The following SLC10A7 variants were observed in gnomAD, a reference collection of about 807,000 sequenced individuals.
SLC10A7 encodes the protein solute carrier family 10 member 7, also known as sodium/bile acid cotransporter 7.
SLC10A7 carries 29 observed loss-of-function variants against 43.2 expected under a neutral mutation model. The ratio of observed to expected loss-of-function variants is 0.67; its 90% CI spans 0.50 to 0.92. The LOEUF is 0.92. Among genes scored for constraint, SLC10A7 ranks in the 40% least tolerant of loss-of-function variants. SLC10A7 has a pLI of 0.00. For missense variants in SLC10A7, 295 were observed against 403.2 expected (o/e 0.73, Z 2.30); for synonymous variants, 152 against 144.8 (o/e 1.05, Z -0.35).
chr4:146,436,263 A>C (rs1364604508), intron 5 of SLC10A7, among the ~76,000 whole-genome samples: 2 of 152,146 alleles, frequency 1.3e-5, no homozygotes, highest in African/African-American at 4.8e-5. Context: ...GATCCTATAC[A>C]TTTTTATTAA....
chr4:146,303,574 T>A (rs991527978), intron 7 of SLC10A7, among the ~76,000 whole-genome samples: 2 of 151,890 alleles, frequency 1.3e-5, no homozygotes, highest in African/African-American at 4.8e-5. Flanking sequence ...GAAACAGGGT[T>A]TCATCACATT....
intron 4 of SLC10A7, among the ~76,000 whole-genome samples, chr4:146,479,147 C>A (rs1734258365): frequency 6.6e-6 from 1 of 152,086 alleles, no homozygotes; most frequent in African/African-American, 2.4e-5. Flanking sequence ...TGTTACCCTG[C>A]AATATGATAT....
rs557879179 is a variant in SLC10A7, at chr4:146,435,310, AG to A, written c.435+7472del. The stretch of plus-strand genomic sequence containing the variant: ...AAAGGGAAGATTCTCTTTGGCTGAT[AG>A]AACCAAGTTTATACAGTTTATGCAT... On this transcript the variant is annotated intron_variant, in intron 5 of 11. Coordinates refer to ENST00000335472, the MANE Select transcript of SLC10A7 (RefSeq NM_001029998.6). Among the ~76,000 whole-genome samples, 18 of 152,094 alleles carry A rather than the reference AG, an allele frequency of 1.2e-4. No individual in the cohort carries two copies. The South Asian group carries it at 2.7e-3, about 23-fold the overall frequency.
rs189963577 is a variant in SLC10A7, at chr4:146,375,638, G to A, written c.436-49642C>T. Among the ~76,000 whole-genome samples, 18 of 151,728 alleles carry A rather than the reference G, an allele frequency of 1.2e-4. No homozygotes were observed. In the East Asian group the frequency reaches 2.1e-3, roughly 18 times the overall value. ...GCTGTGTGATTTACCTATTTATTTCGTTCATTTTTTTATTGTCTGCCTCCT... is the reference window on the plus strand; with the variant it reads ...GCTGTGTGATTTACCTATTTATTTCATTCATTTTTTTATTGTCTGCCTCCT... On this transcript the variant is annotated intron_variant, in intron 5 of 11. Transcript: ENST00000335472.
intron 5 of SLC10A7, among the ~76,000 whole-genome samples, chr4:146,405,642 TTATC>T (rs148521215): frequency 0.016 from 2,485 of 152,264 alleles, 53 homozygotes; most frequent in African/African-American, 0.056. Flanking sequence ...TCATTCTTTT[TTATC>T]TATCTATCTG....
At chr4:146,454,123 T>C (rs1472655179) in intron 4 of SLC10A7, among the ~76,000 whole-genome samples, 1 of 151,958 alleles carries the variant, frequency 6.6e-6, no homozygotes, top group Non-Finnish European at 1.5e-5. Flanking sequence ...AGCTCATCAA[T>C]TCAGATTGTT....
chr4:146,329,035 A>T (rs1382498240), intron 5 of SLC10A7, among the ~76,000 whole-genome samples: 2 of 152,212 alleles, frequency 1.3e-5, no homozygotes, highest in Non-Finnish European at 2.9e-5. Flanking sequence ...TGAGATAGAA[A>T]AGTGTTGTTA....
chr4:146,443,293 A>G (rs1343802595), intron 4 of SLC10A7, among the ~76,000 whole-genome samples: 1 of 152,212 alleles, frequency 6.6e-6, no homozygotes, highest in Non-Finnish European at 1.5e-5. Flanking sequence ...TATACAACAC[A>G]CATTAGAAAT....
At chr4:146,445,559 C>A (rs184502558) in intron 4 of SLC10A7, among the ~76,000 whole-genome samples, 1 of 152,104 alleles carries the variant, frequency 6.6e-6, no homozygotes, top group African/African-American at 2.4e-5. Flanking sequence ...TAGCATTTGC[C>A]GTCCGTGGAT....
At chr4:146,368,291 G>A (rs1736536851) in intron 5 of SLC10A7, among the ~76,000 whole-genome samples, 1 of 152,182 alleles carries the variant, frequency 6.6e-6, no homozygotes, top group Admixed American at 6.5e-5. Context: ...TGGGCTTCCG[G>A]CAAGCTGCAG....
At chr4:146,291,230 G>A (rs535195649) in intron 9 of SLC10A7, among the ~76,000 whole-genome samples, 1 of 152,272 alleles carries the variant, frequency 6.6e-6, no homozygotes, top group African/African-American at 2.4e-5. Flanking sequence ...GATATAACAA[G>A]CCATTTACAA....
intron 10 of SLC10A7, among the ~76,000 whole-genome samples, chr4:146,278,205 A>C (rs1729329863): frequency 6.6e-6 from 1 of 152,148 alleles, no homozygotes; most frequent in Non-Finnish European, 1.5e-5. Flanking sequence ...TTTTATGCAC[A>C]ATAAGGCAAC....
chr4:146,374,619 TACACACACACACACACACACAC>T (rs59049339), intron 5 of SLC10A7, among the ~76,000 whole-genome samples: 1 of 123,514 alleles, frequency 8.1e-6, no homozygotes, highest in Non-Finnish European at 1.7e-5. Flanking sequence ...TATATACACA[TACACACACACACACACACACAC>T]ACACACACAC....
chr4:146,379,039 C>G (rs549586929), intron 5 of SLC10A7, among the ~76,000 whole-genome samples: 4 of 152,302 alleles, frequency 2.6e-5, no homozygotes, highest in African/African-American at 9.6e-5. Flanking sequence ...TGGAGGCTCA[C>G]AATTAAAAGG....
At chr4:146,379,951 CT>C (rs1560852399) in intron 5 of SLC10A7, among the ~76,000 whole-genome samples, 14 of 150,794 alleles carry the variant, frequency 9.3e-5, no homozygotes, top group Non-Finnish European at 2.1e-4. Flanking sequence ...CTCTCTCTCT[CT>C]CTCTCTCTGT....
intron 4 of SLC10A7, among the ~76,000 whole-genome samples, chr4:146,471,287 T>C (rs1481766703): frequency 6.6e-6 from 1 of 152,174 alleles, no homozygotes; most frequent in Non-Finnish European, 1.5e-5. Context: ...TCGAAAACTT[T>C]CCTAAATTTA....
rs148482986 is a variant in SLC10A7, at chr4:146,439,461, A to G, written c.435+3322T>C. ...CCTTTTCAGATTGTATTATATTTAT[A>G]CCACAGGAATGGTCACTCATAATCA... On this transcript the variant is annotated intron_variant, in intron 5 of 11. Coordinates refer to ENST00000335472, the MANE Select transcript of SLC10A7 (RefSeq NM_001029998.6). 1.1e-3 allele frequency among the ~76,000 whole-genome samples: 164 copies of G among 152,204 alleles called. 1 individual carries two copies. Among genetic ancestry groups the G allele is most frequent in the Non-Finnish European group, 2.0e-3 (136 of 67,932 alleles).
At chr4:146,481,171 C>T (rs1269570180) in intron 4 of SLC10A7, among the ~76,000 whole-genome samples, 1 of 152,164 alleles carries the variant, frequency 6.6e-6, no homozygotes, top group African/African-American at 2.4e-5. Context: ...GCCATGCTTT[C>T]TGGGGCTAAG....
chr4:146,518,529 T>G (rs1450813904), intron 1 of SLC10A7, among the ~76,000 whole-genome samples: 1 of 152,154 alleles, frequency 6.6e-6, no homozygotes, highest in East Asian at 1.9e-4. Flanking sequence ...CTATTCAGTC[T>G]TCTTGTACTA....
Sources: gnomAD v4.1 joint callset for allele counts (sites outside exome capture counted in the v4.1 genomes callset) on GRCh38, gnomAD v4.1.1 for gene constraint, MANE v1.5 for transcripts, NCBI Gene and HGNC (gene_info 2026-07-23, HGNC 2026-07-21) for gene names.